IL4R: variants seen among roughly 807,000 people sequenced by gnomAD.
The protein encoded by IL4R is interleukin-4 receptor subunit alpha.
In IL4R, 17 loss-of-function variants were observed where a neutral mutation model predicts 41.5. That is an observed-to-expected ratio of 0.41 (90% CI 0.28 to 0.61). The LOEUF is 0.61. IL4R is among the 20% of genes least tolerant of loss of function. IL4R has a pLI of 0.31. For missense variants in IL4R, 974 were observed against 1,043.1 expected (o/e 0.93, Z 0.91); for synonymous variants, 402 against 422.9 (o/e 0.95, Z 0.61).
At position 27,314,000 on chromosome 16, in the gene IL4R, G is replaced by T. The variant is rs1199147622; in HGVS notation, c.-172G>T. On this transcript the variant is annotated 5_prime_UTR_variant, in exon 1 of 11. Coordinates refer to ENST00000395762, the MANE Select transcript of IL4R (RefSeq NM_000418.4). ...CTTCCCGCTTGGGCGCCCGGACGGCGAATGGAGCAGGGGCGCGCAGGTAGG... is the reference window on the plus strand; with the variant it reads ...CTTCCCGCTTGGGCGCCCGGACGGCTAATGGAGCAGGGGCGCGCAGGTAGG... 2.0e-6 allele frequency: 2 copies of T among 984,814 alleles called. No homozygotes were observed. Among genetic ancestry groups the T allele is most frequent in the Non-Finnish European group, 2.4e-6 (2 of 829,774 alleles). The allele number at this position is 984,814 out of a possible 1,614,324, so 61.0% of individuals were successfully genotyped here. A position where few individuals can be genotyped will look rare whatever the true frequency, so the allele number is the denominator to read the frequency against.
intron 2 of IL4R, among the ~76,000 whole-genome samples, chr16:27,336,995 T>G (rs927085267): frequency 6.6e-6 from 1 of 152,078 alleles, no homozygotes; most frequent in African/African-American, 2.4e-5. Flanking sequence ...GAGAATCGCT[T>G]GAACCTGGGA....
Position 27,354,825 on chromosome 16 carries a change from G to A in IL4R, c.671-983G>A, listed in dbSNP as rs3024631. Among the ~76,000 whole-genome samples the A allele has an allele frequency of 2.9e-4, 44 of 152,340 alleles. 1 individual carries two copies. The highest frequency in any genetic ancestry group is 1.1e-3 in the African/African-American group (44 of 41,572). ...TGCTCATCCTGCACTGTGGATATCA[G>A]TTGAGCCACGTGTCTCCTGCCCTGG... On this transcript the variant is annotated intron_variant, in intron 7 of 10. Transcript: ENST00000395762.
chr16:27,322,935 C>A (rs1376044854), intron 1 of IL4R, among the ~76,000 whole-genome samples: 1 of 152,104 alleles, frequency 6.6e-6, no homozygotes, highest in Non-Finnish European at 1.5e-5. Flanking sequence ...CACGGTCTCC[C>A]ACCGAGTCAG....
In IL4R at chr16:27,314,024, G is replaced by A. The variant is rs1038690291; in HGVS notation, c.-152+4G>A. On this transcript the variant is annotated splice_donor_region_variant and intron_variant, in intron 1 of 10. Coordinates refer to ENST00000395762, the MANE Select transcript of IL4R (RefSeq NM_000418.4). ...CGAATGGAGCAGGGGCGCGCAGGTA[G>A]GATCCGGGGCCCGCGCGCGGATCGG... is the stretch of plus-strand genomic sequence containing the variant. 6.4e-5 allele frequency: 63 copies of A among 984,824 alleles called. No individual in the cohort carries two copies. The highest frequency in any genetic ancestry group is 7.2e-5 in the Non-Finnish European group (60 of 829,768). The allele number at this position is 984,824 out of a possible 1,614,324, so 61.0% of individuals were successfully genotyped here.
At chr16:27,354,078 G>A (rs917804107) in intron 7 of IL4R, 1 of 152,196 alleles carries the variant, frequency 6.6e-6, no homozygotes, top group African/African-American at 2.4e-5. Flanking sequence ...GGTGAAAATG[G>A]TCACATGACT....
intron 1 of IL4R, among the ~76,000 whole-genome samples, chr16:27,321,921 AT>A (rs1841160915): frequency 6.6e-6 from 1 of 152,064 alleles, no homozygotes; most frequent in African/African-American, 2.4e-5. Context: ...TGGTCAATAT[AT>A]GTGGTTCCTA....
At position 27,362,788 on chromosome 16, in the gene IL4R, C is replaced by T. The variant is rs1161113565; in HGVS notation, c.1436C>T (p.Pro479Leu). Reference protein sequence around the residue: ...PSPPASPTQSPDNLTCTETPL... With the variant: ...PSPPASPTQSLDNLTCTETPL... ...CCTCCTGCCAGCCCGACCCAGAGTCCAGACAACCTGACTTGCACAGAGACG... is the reference window on the plus strand; with the variant it reads ...CCTCCTGCCAGCCCGACCCAGAGTCTAGACAACCTGACTTGCACAGAGACG... Residue 479 changes from proline to leucine, a missense_variant, in exon 11 of 11, where the codon CCA becomes CTA. Transcript: ENST00000395762. The T allele has an allele frequency of 1.2e-6, 2 of 1,614,188 alleles. No individual in the cohort carries two copies. Among genetic ancestry groups the T allele is most frequent in the East Asian group, 2.2e-5 (1 of 44,888 alleles).
At chr16:27,320,842 G>C (rs957011773) in intron 1 of IL4R, among the ~76,000 whole-genome samples, 24 of 152,170 alleles carry the variant, frequency 1.6e-4, no homozygotes, top group African/African-American at 5.1e-4. Context: ...CCTCCCGACG[G>C]TCTTGCCTCT....
At chr16:27,352,778 T>C (rs969166748) in intron 7 of IL4R, 82 bp downstream of exon 7, 76 of 1,416,682 alleles carry the variant, frequency 5.4e-5, no homozygotes, top group Non-Finnish European at 7.5e-5. Context: ...TGGCTGAGTC[T>C]CTGGGCTTTT....
intron 2 of IL4R, among the ~76,000 whole-genome samples, chr16:27,336,685 A>G (rs1300156842): frequency 6.6e-6 from 1 of 151,138 alleles, no homozygotes; most frequent in African/African-American, 2.4e-5. Context: ...TCAAAAAAAA[A>G]AAAAAAAAAA....
intron 1 of IL4R, among the ~76,000 whole-genome samples, chr16:27,327,488 T>A (rs2084988820): frequency 6.6e-6 from 1 of 152,140 alleles, no homozygotes; most frequent in African/African-American, 2.4e-5. Context: ...GGCCCATGCT[T>A]CTGCTCATTT....
chr16:27,353,873 A>G (rs1167252392), intron 7 of IL4R, among the ~76,000 whole-genome samples: 1 of 152,158 alleles, frequency 6.6e-6, no homozygotes, highest in Admixed American at 6.5e-5. Flanking sequence ...TTTCTTTCCC[A>G]TCCAAGTTCT....
Position 27,362,720 on chromosome 16 carries a change from A to T in IL4R, c.1368A>T (p.Ala456=), listed in dbSNP as rs1596546050. The T allele has an allele frequency of 4.3e-6, 7 of 1,613,750 alleles. No homozygotes were observed. The highest frequency in any genetic ancestry group is 1.3e-5 in the African/African-American group (1 of 74,842). ...TCCCAAGTGCAGGGCCCAAGGAGGC[A>T]CCTCCCTGGGGCAAGGAGCAGCCTC... The part of the protein sequence containing the change: ...DEFPSAGPKE[A]PPWGKEQPLH... Residue 456 remains alanine, a synonymous_variant, in exon 11 of 11, where the codon GCA becomes GCT. Coordinates refer to ENST00000395762, the MANE Select transcript of IL4R (RefSeq NM_000418.4).
chr16:27,326,718 T>G (rs1417046267), intron 1 of IL4R, among the ~76,000 whole-genome samples: 1 of 152,132 alleles, frequency 6.6e-6, no homozygotes, highest in Admixed American at 6.5e-5. Flanking sequence ...TGAGGATGGT[T>G]GAGCCACAGC....
At chr16:27,342,336 T>G in intron 4 of IL4R, 77 bp downstream of exon 4, 1 of 1,563,376 alleles carries the variant, frequency 6.4e-7, no homozygotes, top group Non-Finnish European at 8.8e-7. Flanking sequence ...TGGGTCCAGG[T>G]GGTGCGCTGG....
intron 10 of IL4R, 141 bp downstream of exon 10, chr16:27,360,956 G>A (rs2086261154): frequency 6.4e-7 from 1 of 1,550,606 alleles, no homozygotes; most frequent in Admixed American, 1.9e-5. Context: ...AGGGACGGCA[G>A]GAGGAGGGGT....
chr16:27,360,213 C>T (rs891891362), intron 9 of IL4R, among the ~76,000 whole-genome samples: 5 of 152,150 alleles, frequency 3.3e-5, no homozygotes, highest in Non-Finnish European at 7.4e-5. Context: ...GGGGTTTCTT[C>T]ATGTCGGTCA....
upstream of IL4R, chr16:27,313,795 GGGGACAGCGACAGGGGCGCGAGGTGGCC>G: frequency 1.9e-6 from 1 of 513,196 alleles, no homozygotes; most frequent in Non-Finnish European, 2.5e-6. Flanking sequence ...CGGCGGCGGC[GGGGACAGCGACAGGGGCGCGAGGTGGCC>G]GGGACCCGGG....
intron 2 of IL4R, among the ~76,000 whole-genome samples, chr16:27,332,463 C>T (rs933283393): frequency 6.6e-6 from 1 of 152,080 alleles, no homozygotes. Flanking sequence ...CTTCCCCCAA[C>T]ACGTGGGGAT....
Sources: gnomAD v4.1 joint callset for allele counts (sites outside exome capture counted in the v4.1 genomes callset) on GRCh38, gnomAD v4.1.1 for gene constraint, MANE v1.5 for transcripts, NCBI Gene and HGNC (gene_info 2026-07-23, HGNC 2026-07-21) for gene names.